Variants in LONP2 observed in about 807,000 individuals in gnomAD.
The protein encoded by LONP2 is lon peptidase 2, peroxisomal, also known as lon protease homolog 2, peroxisomal.
A neutral mutation model predicts 85.6 loss-of-function variants in LONP2; 60 were observed. The ratio of observed to expected loss-of-function variants is 0.70; its 90% CI spans 0.57 to 0.87. LONP2 has a LOEUF of 0.87. LONP2 is among the 40% of genes least tolerant of loss of function. The pLI is 0.00. For missense variants in LONP2, 860 were observed against 1,063.5 expected, an observed-to-expected ratio of 0.81 and a Z score of 2.66; for synonymous variants, 395 against 389.7, an observed-to-expected ratio of 1.01 and a Z score of -0.16.
At chr16:48,246,231 G>T (rs1221238255) in intron 1 of LONP2, among the ~76,000 whole-genome samples, 1 of 152,006 alleles carries the variant, frequency 6.6e-6, no homozygotes, top group East Asian at 1.9e-4. Flanking sequence ...AAATATTTTG[G>T]CTCCCATCTG....
At chr16:48,274,101 T>C (rs1972156793) in intron 7 of LONP2, among the ~76,000 whole-genome samples, 2 of 152,196 alleles carry the variant, frequency 1.3e-5, no homozygotes, top group Non-Finnish European at 1.5e-5. Context: ...TCAACTTACA[T>C]TTGCATGTAG....
chr16:48,357,542 CCT>C (rs1189186256), downstream of LONP2, among the ~76,000 whole-genome samples: 3 of 152,198 alleles, frequency 2.0e-5, no homozygotes, highest in African/African-American at 7.2e-5. Flanking sequence ...CACTATTCAC[CCT>C]GTCGAGTTTC....
At position 48,244,639 on chromosome 16, in the gene LONP2, C is replaced by CGCG. The variant is rs1194508628; in HGVS notation, c.233+29_233+31dup. The CGCG allele has an allele frequency of 4.5e-6, 6 of 1,340,188 alleles. No individual in the cohort carries two copies. The highest frequency in any genetic ancestry group is 4.8e-6 in the Non-Finnish European group (5 of 1,049,060). 83.0% of individuals were successfully genotyped at this position (1,340,188 alleles called of 1,614,324 possible). A position where few individuals can be genotyped will look rare whatever the true frequency, so the allele number is the denominator to read the frequency against. On this transcript the variant is annotated intron_variant, in intron 1 of 14. Coordinates refer to ENST00000285737, the MANE Select transcript of LONP2 (RefSeq NM_031490.5). ...CTGCACAGGTAGGCCTGGCTGCCCC[C>CGCG]GCGGCGGCGGCGGGCGGCGCGGCCT...
intron 11 of LONP2, among the ~76,000 whole-genome samples, chr16:48,322,548 A>G (rs1169127218): frequency 6.6e-6 from 1 of 151,996 alleles, no homozygotes; most frequent in African/African-American, 2.4e-5. Context: ...CTTCTTTTTT[A>G]CAGAAGGGAG....
intron 12 of LONP2, among the ~76,000 whole-genome samples, chr16:48,337,013 TAA>T (rs757701701): frequency 2.0e-5 from 3 of 152,208 alleles, no homozygotes; most frequent in Non-Finnish European, 2.9e-5. Context: ...TCTATAAAAT[TAA>T]GATTTATGGA....
At chr16:48,358,138 G>A (rs1396935319), downstream of LONP2, among the ~76,000 whole-genome samples, 1 of 152,162 alleles carries the variant, frequency 6.6e-6, no homozygotes, top group Non-Finnish European at 1.5e-5. Flanking sequence ...CTAAGAATAT[G>A]AAGACCCAAA....
chr16:48,315,188 G>A (rs767796594), intron 11 of LONP2, among the ~76,000 whole-genome samples: 22 of 152,184 alleles, frequency 1.4e-4, no homozygotes, highest in Non-Finnish European at 2.9e-4. Context: ...TGTCCAGTTT[G>A]ACCCTGATTT....
At chr16:48,338,678 C>A (rs577252035) in intron 12 of LONP2, among the ~76,000 whole-genome samples, 2 of 152,086 alleles carry the variant, frequency 1.3e-5, no homozygotes, top group African/African-American at 4.8e-5. Context: ...GAGGCTGAGG[C>A]AGGTGGATTG....
At chr16:48,317,868 A>C (rs1973178033) in intron 11 of LONP2, among the ~76,000 whole-genome samples, 1 of 152,188 alleles carries the variant, frequency 6.6e-6, no homozygotes, top group Admixed American at 6.5e-5. Flanking sequence ...TGTCTCCCTC[A>C]ATGACAATTT....
chr16:48,282,262 T>C (rs943437980), intron 8 of LONP2, among the ~76,000 whole-genome samples: 1 of 151,816 alleles, frequency 6.6e-6, no homozygotes, highest in East Asian at 1.9e-4. Context: ...CCCACAAAAA[T>C]TAGCTGGGCA....
chr16:48,361,868 A>G, downstream of LONP2: 1 of 1,614,224 alleles, frequency 6.2e-7, no homozygotes, highest in Non-Finnish European at 8.5e-7. Context: ...ACATGAAGTG[A>G]AAGCCAAAAC....
chr16:48,312,837 T>C (rs1414459819), intron 11 of LONP2, among the ~76,000 whole-genome samples: 1 of 152,136 alleles, frequency 6.6e-6, no homozygotes, highest in East Asian at 1.9e-4. Flanking sequence ...CCTTTGTAAT[T>C]CAAGAATTAT....
At chr16:48,280,446 CTA>C (rs1972302738) in intron 8 of LONP2, among the ~76,000 whole-genome samples, 2 of 152,122 alleles carry the variant, frequency 1.3e-5, no homozygotes, top group Admixed American at 6.6e-5. Context: ...AGGTCTTCAC[CTA>C]TATATACTTT....
At chr16:48,331,245 A>G (rs1959434757) in intron 11 of LONP2, among the ~76,000 whole-genome samples, 1 of 152,204 alleles carries the variant, frequency 6.6e-6, no homozygotes, top group Non-Finnish European at 1.5e-5. Flanking sequence ...TGAGATCTGC[A>G]TGTAGCTAAA....
chr16:48,302,736 T>G (rs533616165), intron 10 of LONP2, among the ~76,000 whole-genome samples: 2 of 152,372 alleles, frequency 1.3e-5, no homozygotes, highest in African/African-American at 2.4e-5. Flanking sequence ...TGTTTTTGTT[T>G]TAGTTCCACA....
intron 8 of LONP2, among the ~76,000 whole-genome samples, chr16:48,294,917 C>T (rs1259121792): frequency 6.6e-6 from 1 of 151,958 alleles, no homozygotes; most frequent in Non-Finnish European, 1.5e-5. Flanking sequence ...AGTAATTGGG[C>T]GTAAGTGAGA....
chr16:48,322,788 A>G (rs1973294605), intron 11 of LONP2, among the ~76,000 whole-genome samples: 1 of 152,210 alleles, frequency 6.6e-6, no homozygotes, highest in South Asian at 2.1e-4. Flanking sequence ...GTCACTCACT[A>G]TGACTATGAA....
intron 8 of LONP2, among the ~76,000 whole-genome samples, chr16:48,293,406 C>T (rs370402713): frequency 2.1e-4 from 32 of 150,276 alleles, no homozygotes; most frequent in East Asian, 7.8e-4. Flanking sequence ...CTAGCCTGGG[C>T]GAAAGAACGA....
intron 6 of LONP2, among the ~76,000 whole-genome samples, chr16:48,264,712 C>A (rs988060160): frequency 6.6e-6 from 1 of 152,066 alleles, no homozygotes; most frequent in Admixed American, 6.5e-5. Context: ...GAAATCTTTA[C>A]GATTTATGTT....
Sources: allele counts gnomAD v4.1 joint callset (sites outside exome capture counted in the v4.1 genomes callset), GRCh38; gene constraint gnomAD v4.1.1; transcripts MANE v1.5; gene names NCBI Gene and HGNC (gene_info 2026-07-23, HGNC 2026-07-21).